The following FAM193A variants were observed in gnomAD, a reference collection of about 807,000 sequenced individuals.
The protein encoded by FAM193A is protein FAM193A.
FAM193A carries 22 observed loss-of-function variants against 126.5 expected under a neutral mutation model. The ratio of observed to expected loss-of-function variants is 0.17; its 90% CI spans 0.12 to 0.25. FAM193A has a LOEUF of 0.25. FAM193A is among the 10% of genes least tolerant of loss of function. FAM193A has a pLI of 1.00. For synonymous variants in FAM193A, 761 were observed against 646.8 expected, an observed-to-expected ratio of 1.18 and a Z score of -2.68; for missense variants, 1,675 against 1,672.8, an observed-to-expected ratio of 1.00 and a Z score of -0.02.
intron 12 of FAM193A, among the ~76,000 whole-genome samples, chr4:2,669,656 C>CTT (rs1439795067): frequency 6.6e-6 from 1 of 152,134 alleles, no homozygotes; most frequent in Admixed American, 6.5e-5. Flanking sequence ...TTAGGAATAG[C>CTT]TTTAGACTCA....
At chr4:2,723,401 C>A (rs1228389339) in intron 20 of FAM193A, among the ~76,000 whole-genome samples, 2 of 151,874 alleles carry the variant, frequency 1.3e-5, no homozygotes, top group Non-Finnish European at 2.9e-5. Flanking sequence ...ATGTTGAAAC[C>A]CCCTCTCTAC....
intron 1 of FAM193A, among the ~76,000 whole-genome samples, chr4:2,544,204 A>T (rs1040910301): frequency 6.6e-6 from 1 of 152,210 alleles, no homozygotes; most frequent in Non-Finnish European, 1.5e-5. Flanking sequence ...GTGTACCTGC[A>T]GAGAGCATGT....
intron 1 of FAM193A, among the ~76,000 whole-genome samples, chr4:2,590,196 G>T (rs1740448310): frequency 6.7e-6 from 1 of 149,790 alleles, no homozygotes; most frequent in Non-Finnish European, 1.5e-5. Flanking sequence ...AATTGGCTGG[G>T]CGCCATGGCT....
At chr4:2,731,193 T>C (rs1395009866) in intron 20 of FAM193A, among the ~76,000 whole-genome samples, 2 of 85,636 alleles carry the variant, frequency 2.3e-5, no homozygotes, top group Admixed American at 1.4e-4. Context: ...CGAAACTCCT[T>C]CTCAAAAAAA....
At chr4:2,691,555 C>T (rs1354155101) in intron 15 of FAM193A, among the ~76,000 whole-genome samples, 2 of 152,084 alleles carry the variant, frequency 1.3e-5, no homozygotes, top group East Asian at 3.9e-4. Context: ...CTGGCTGTCA[C>T]TTAGGGGGCC....
At chr4:2,612,058 G>A (rs1002274374) in intron 2 of FAM193A, among the ~76,000 whole-genome samples, 2 of 150,950 alleles carry the variant, frequency 1.3e-5, no homozygotes, top group Non-Finnish European at 3.0e-5. Flanking sequence ...GGATGGTCTC[G>A]TTCTCCTGAC....
intron 20 of FAM193A, among the ~76,000 whole-genome samples, chr4:2,717,886 T>G (rs1253596437): frequency 1.3e-5 from 2 of 152,040 alleles, no homozygotes; most frequent in African/African-American, 4.8e-5. Context: ...ACTCCTGACC[T>G]CAGGTGATCC....
At chr4:2,610,705 G>A (rs972375681) in intron 2 of FAM193A, among the ~76,000 whole-genome samples, 5 of 152,024 alleles carry the variant, frequency 3.3e-5, no homozygotes, top group Admixed American at 1.3e-4. Context: ...AGTTTGGGCT[G>A]TTATGAGTAG....
chr4:2,641,295 C>A (rs1472318548), intron 6 of FAM193A, among the ~76,000 whole-genome samples: 1 of 151,760 alleles, frequency 6.6e-6, no homozygotes, highest in Non-Finnish European at 1.5e-5. Flanking sequence ...GATCCACCTG[C>A]CTCAGCCTCC....
At chr4:2,619,438 G>A (rs2108961978) in intron 2 of FAM193A, among the ~76,000 whole-genome samples, 1 of 152,072 alleles carries the variant, frequency 6.6e-6, no homozygotes, top group South Asian at 2.1e-4. Context: ...GAGTAGCTGG[G>A]ATTACAGGCA....
intron 6 of FAM193A, among the ~76,000 whole-genome samples, chr4:2,645,834 T>G (rs1745083406): frequency 6.6e-6 from 1 of 152,234 alleles, no homozygotes; most frequent in Non-Finnish European, 1.5e-5. Flanking sequence ...ACCGCCGTCT[T>G]TCTTAATACA....
intron 1 of FAM193A, among the ~76,000 whole-genome samples, chr4:2,551,780 T>G (rs1307299162): frequency 6.6e-6 from 1 of 152,056 alleles, no homozygotes; most frequent in Non-Finnish European, 1.5e-5. Flanking sequence ...GTGTTTGATT[T>G]TTTTTTTTAA....
At chr4:2,671,370 C>A (rs1713762452) in intron 12 of FAM193A, among the ~76,000 whole-genome samples, 1 of 152,218 alleles carries the variant, frequency 6.6e-6, no homozygotes, top group African/African-American at 2.4e-5. Flanking sequence ...AAGTTCACTG[C>A]TTTTACTGCT....
chr4:2,545,970 A>T (rs1314115665), intron 1 of FAM193A, among the ~76,000 whole-genome samples: 1 of 152,116 alleles, frequency 6.6e-6, no homozygotes, highest in Non-Finnish European at 1.5e-5. Flanking sequence ...CAACATGGTG[A>T]AATCGTGTCT....
At chr4:2,555,565 G>A (rs1031624558) in intron 1 of FAM193A, among the ~76,000 whole-genome samples, 2 of 152,184 alleles carry the variant, frequency 1.3e-5, no homozygotes, top group Non-Finnish European at 1.5e-5. Context: ...GATCCCTTGA[G>A]CCCGGGATTT....
At chr4:2,540,515 C>G (rs113908326) in intron 1 of FAM193A, among the ~76,000 whole-genome samples, 6 of 143,976 alleles carry the variant, frequency 4.2e-5, no homozygotes, top group African/African-American at 1.6e-4. Context: ...GGCGTGGTGG[C>G]GGGCGCCCTG....
At chr4:2,682,380 A>T (rs1715255676) in intron 13 of FAM193A, among the ~76,000 whole-genome samples, 1 of 151,894 alleles carries the variant, frequency 6.6e-6, no homozygotes, top group Admixed American at 6.6e-5. Context: ...CCCAAGCTGA[A>T]CTTGAACTCC....
At chr4:2,704,261 CAAA>C (rs958166050) in intron 19 of FAM193A, among the ~76,000 whole-genome samples, 4 of 89,298 alleles carry the variant, frequency 4.5e-5, no homozygotes, top group Admixed American at 3.9e-4. Context: ...GACTCCATCT[CAAA>C]AAAAAAAAAA....
chr4:2,555,153 C>T (rs1738177434), intron 1 of FAM193A, among the ~76,000 whole-genome samples: 1 of 152,016 alleles, frequency 6.6e-6, no homozygotes, highest in African/African-American at 2.4e-5. Context: ...TGATAAAGTT[C>T]TCTTTACTAG....
Sources: allele counts gnomAD v4.1 joint callset (sites outside exome capture counted in the v4.1 genomes callset), GRCh38; gene constraint gnomAD v4.1.1; transcripts MANE v1.5; gene names NCBI Gene and HGNC (gene_info 2026-07-23, HGNC 2026-07-21).